Variants in PLEKHA1 observed in about 807,000 individuals in gnomAD.
The protein encoded by PLEKHA1 is pleckstrin homology domain-containing family A member 1.
In PLEKHA1, 34 loss-of-function variants were observed where a neutral mutation model predicts 52.0. The observed-to-expected ratio is 0.65, with a 90% CI of 0.50 to 0.87. PLEKHA1 has a LOEUF of 0.87. PLEKHA1 is among the 40% of genes least tolerant of loss of function. PLEKHA1 has a pLI of 0.00. For missense variants in PLEKHA1, 497 were observed against 504.2 expected (o/e 0.99, Z 0.14); for synonymous variants, 163 against 170.7 (o/e 0.95, Z 0.35).
chr10:122,376,427 A>G (rs1345846785), intron 1 of PLEKHA1, among the ~76,000 whole-genome samples: 2 of 151,216 alleles, frequency 1.3e-5, no homozygotes, highest in African/African-American at 2.4e-5. Flanking sequence ...CTTACACTGT[A>G]TCTACTGACA....
At chr10:122,441,771 T>C in the PLEKHA1 span, 1 of 152,082 alleles carries the variant, frequency 6.6e-6, no homozygotes, top group Admixed American at 6.6e-5. Flanking sequence ...CAAAGAAAGG[T>C]GGTTACCACA....
chr10:122,401,762 TGA>T (rs2096932744), intron 4 of PLEKHA1, among the ~76,000 whole-genome samples: 2 of 152,066 alleles, frequency 1.3e-5, no homozygotes, highest in African/African-American at 2.4e-5. Flanking sequence ...TGGACATGAG[TGA>T]CTGAAGGAAC....
chr10:122,413,184 GTA>G, intron 6 of PLEKHA1, 139 bp downstream of exon 6: 1 of 768,970 alleles, frequency 1.3e-6, no homozygotes, highest in Non-Finnish European at 1.8e-6. Context: ...TATTTCAAAA[GTA>G]TTTATTATAA....
At position 122,428,882 on chromosome 10, in the gene PLEKHA1, T is replaced by A. The variant is rs1302083460; in HGVS notation, c.901-742T>A. On this transcript the variant is annotated intron_variant, in intron 11 of 11. Coordinates refer to ENST00000368990, the MANE Select transcript of PLEKHA1 (RefSeq NM_001001974.4). ...GCAATGTATTTAGAATGGTCATATT[T>A]AAGGATATTTTCAGATTTGATCTAG... Among the ~76,000 whole-genome samples the A allele has an allele frequency of 2.0e-5, 3 of 152,328 alleles. No individual in the cohort carries two copies. In the East Asian group the frequency reaches 5.8e-4, roughly 29 times the overall value.
intron 5 of PLEKHA1, among the ~76,000 whole-genome samples, chr10:122,407,904 A>G (rs755810010): frequency 1.3e-5 from 2 of 152,236 alleles, no homozygotes; most frequent in Non-Finnish European, 2.9e-5. Context: ...ATCACAACAC[A>G]ATAAAGAGTC....
chr10:122,384,081 G>C (rs1295526522), intron 1 of PLEKHA1, among the ~76,000 whole-genome samples: 1 of 151,998 alleles, frequency 6.6e-6, no homozygotes, highest in African/African-American at 2.4e-5. Context: ...GTCCTGTTAT[G>C]AGTGATACTG....
chr10:122,393,559 A>G lies in PLEKHA1; in HGVS notation c.141+218A>G, dbSNP rs182320227. Among the ~76,000 whole-genome samples, 1 of 152,336 alleles carries G rather than the reference A, an allele frequency of 6.6e-6. No individual in the cohort carries two copies. Among genetic ancestry groups the G allele is most frequent in the African/African-American group, 2.4e-5 (1 of 41,594 alleles). The stretch of plus-strand genomic sequence containing the variant: ...ATTTGATAAAAATTAATGCTTCTGT[A>G]TATATTTTTCCCTCGAGAGAGAAAT... On this transcript the variant is annotated intron_variant, in intron 2 of 11. Coordinates refer to ENST00000368990, the MANE Select transcript of PLEKHA1 (RefSeq NM_001001974.4). The surrounding 1 kb of genome is among the most constrained non-coding windows in gnomAD (Gnocchi z 4.5).
At chr10:122,417,840 G>C in intron 7 of PLEKHA1, 60 bp from the exon 8 acceptor site, 1 of 1,313,904 alleles carries the variant, frequency 7.6e-7, no homozygotes. Flanking sequence ...TAATTAAGTG[G>C]TGACTAACAT....
At chr10:122,391,875 C>T (rs2096780629) in intron 1 of PLEKHA1, among the ~76,000 whole-genome samples, 1 of 152,192 alleles carries the variant, frequency 6.6e-6, no homozygotes, top group East Asian at 1.9e-4. Context: ...TGTATTTTAT[C>T]ATTTCTCTGA....
At chr10:122,428,269 G>T in intron 11 of PLEKHA1, 1 of 1,539,166 alleles carries the variant, frequency 6.5e-7, no homozygotes, top group Non-Finnish European at 8.8e-7. Flanking sequence ...TTTGCACTGT[G>T]TTCCAGATGC....
chr10:122,396,249 C>T (rs1204627542), intron 2 of PLEKHA1, among the ~76,000 whole-genome samples: 1 of 151,962 alleles, frequency 6.6e-6, no homozygotes, highest in East Asian at 1.9e-4. Flanking sequence ...AATTATTACC[C>T]TTAAATGGAA....
intron 1 of PLEKHA1, among the ~76,000 whole-genome samples, chr10:122,376,050 A>G (rs1013592045): frequency 2.6e-5 from 4 of 152,184 alleles, no homozygotes; most frequent in Non-Finnish European, 5.9e-5. Flanking sequence ...CTCAGCTTGC[A>G]TACTTTCTAT....
downstream of PLEKHA1, chr10:122,435,100 G>T (rs2133812175): frequency 6.6e-6 from 1 of 152,228 alleles, no homozygotes; most frequent in Admixed American, 6.5e-5. Context: ...TCTAGTTGCA[G>T]TTCAGGAATT....
At position 122,393,217 on chromosome 10, in the gene PLEKHA1, G is replaced by A. The variant is rs779661762; in HGVS notation, c.17G>A (p.Arg6His). The change falls in exon 2 of 12, where the codon CGT (arginine) becomes CAT (histidine). Residue 6 changes from arginine (R) to histidine (H), a missense_variant. Coordinates refer to ENST00000368990, the MANE Select transcript of PLEKHA1 (RefSeq NM_001001974.4). The surrounding 1 kb of genome is among the most constrained non-coding windows in gnomAD (Gnocchi z 4.5). MPYVDRQNRICGFLDI... is the reference protein window; with the variant it reads MPYVDHQNRICGFLDI... ...AGCTCAGAAATGCCTTATGTGGATC[G>A]TCAGAATCGCATTTGTGGTTTTCTA... 3.6e-5 allele frequency: 58 copies of A among 1,611,108 alleles called. 1 individual carries two copies. The South Asian group carries it at 4.4e-4, about 12-fold the overall frequency.
chr10:122,399,335 G>A (rs1271783802), intron 3 of PLEKHA1, among the ~76,000 whole-genome samples: 1 of 152,092 alleles, frequency 6.6e-6, no homozygotes, highest in Non-Finnish European at 1.5e-5. Flanking sequence ...GGCAATAGTT[G>A]TGAATGAGCT....
rs1437367759 is a variant in PLEKHA1, at chr10:122,374,791, C to G, written c.-36C>G. 6.6e-6 allele frequency: 1 copy of G among 151,644 alleles called. No homozygotes were observed. The highest frequency in any genetic ancestry group is 1.5e-5 in the Non-Finnish European group (1 of 67,848). 9.4% of individuals were successfully genotyped at this position (151,644 alleles called of 1,614,324 possible). On this transcript the variant is annotated 5_prime_UTR_variant, in exon 1 of 12. Transcript: ENST00000368990. ...CCGGGGCCGCGGCGGCGCGGGTGCT[C>G]CGGGCCGAGGCCGCGGTAAAGTTTA... is the stretch of plus-strand genomic sequence containing the variant.
At chr10:122,434,977 A>G (rs902196367), downstream of PLEKHA1, 1 of 152,020 alleles carries the variant, frequency 6.6e-6, no homozygotes, top group African/African-American at 2.4e-5. Context: ...ATTGTTGGAC[A>G]TTTGGGAAAA....
chr10:122,422,932 C>T (rs1054107720), intron 8 of PLEKHA1: 2 of 152,126 alleles, frequency 1.3e-5, no homozygotes, highest in South Asian at 4.1e-4. Context: ...TATACTCTGT[C>T]ACACACATAT....
chr10:122,418,151 G>A (rs914354652), intron 8 of PLEKHA1, 183 bp downstream of exon 8: 1 of 475,602 alleles, frequency 2.1e-6, no homozygotes, highest in African/African-American at 2.0e-5. Context: ...ACATTTTTAA[G>A]TAAAAAGATC....
Sources: allele counts gnomAD v4.1 joint callset (sites outside exome capture counted in the v4.1 genomes callset), GRCh38; gene constraint gnomAD v4.1.1; non-coding constraint Gnocchi (gnomAD v3.1); transcripts MANE v1.5; gene names NCBI Gene and HGNC (gene_info 2026-07-23, HGNC 2026-07-21).